Variants in TENM3 observed in about 807,000 individuals in gnomAD.
The protein encoded by TENM3 is teneurin-3.
Under a neutral mutation model 255.1 loss-of-function variants are expected in TENM3, and 63 were observed. The observed-to-expected ratio is 0.25, with a 90% CI of 0.20 to 0.30. The LOEUF (loss-of-function observed/expected upper bound fraction) is 0.30. TENM3 is among the 10% of genes least tolerant of loss of function. TENM3 has a pLI of 1.00. For synonymous variants in TENM3, 1,306 were observed against 1,322.3 expected (o/e 0.99, Z 0.27); for missense variants, 2,929 against 3,461.1 (o/e 0.85, Z 3.86).
chr4:181,802,349 A>G, the TENM3 span, among the ~76,000 whole-genome samples: 3 of 152,184 alleles, frequency 2.0e-5, no homozygotes, highest in East Asian at 1.9e-4. Flanking sequence ...AGATTTTGCC[A>G]TAACTTTTCA....
At chr4:182,145,439 CCT>C (rs1749892735) in intron 1 of TENM3, among the ~76,000 whole-genome samples, 1 of 152,142 alleles carries the variant, frequency 6.6e-6, no homozygotes, top group African/African-American at 2.4e-5. Flanking sequence ...ATTCTAAGTC[CCT>C]CTCGTGTTTT....
intron 3 of TENM3, among the ~76,000 whole-genome samples, chr4:182,545,695 A>G (rs1741369435): frequency 6.6e-6 from 1 of 152,028 alleles, no homozygotes; most frequent in Non-Finnish European, 1.5e-5. Context: ...GTCAACTGGT[A>G]TGGCTTCTCT....
chr4:181,477,630 T>A, the TENM3 span, among the ~76,000 whole-genome samples: 57,180 of 151,666 alleles, frequency 0.38, 11,502 homozygotes, highest in African/African-American at 0.53. Context: ...GTGCATTTTT[T>A]AAAAAAATAA....
chr4:181,859,922 T>C, the TENM3 span, among the ~76,000 whole-genome samples: 29 of 152,312 alleles, frequency 1.9e-4, no homozygotes, highest in African/African-American at 6.7e-4. Flanking sequence ...AGACTTTCTT[T>C]AATGTCTTGA....
At chr4:181,598,072 T>G in the TENM3 span, among the ~76,000 whole-genome samples, 1 of 152,170 alleles carries the variant, frequency 6.6e-6, no homozygotes, top group Admixed American at 6.5e-5. Flanking sequence ...GGACGTGGTC[T>G]ACTGAATACC....
intron 12 of TENM3, among the ~76,000 whole-genome samples, chr4:182,710,204 A>G (rs1758650544): frequency 6.6e-6 from 1 of 152,194 alleles, no homozygotes; most frequent in Admixed American, 6.5e-5. Flanking sequence ...TTCTGTAGAA[A>G]TACTACCCTA....
chr4:182,298,939 A>ACACCACTG (rs1440836406), intron 1 of TENM3, among the ~76,000 whole-genome samples: 14 of 138,288 alleles, frequency 1.0e-4, no homozygotes, highest in Non-Finnish European at 2.0e-4. Context: ...AGCTGAGATC[A>ACACCACTG]CACCACTGCA....
chr4:182,361,845 G>GT (rs1766015623), intron 3 of TENM3, among the ~76,000 whole-genome samples: 1 of 152,140 alleles, frequency 6.6e-6, no homozygotes, highest in Non-Finnish European at 1.5e-5. Flanking sequence ...CGTCTTTGTG[G>GT]TTTTATCTAC....
Position 182,509,937 on chromosome 4 carries a change from CA to C in TENM3, c.512-90966del, listed in dbSNP as rs55817843. On this transcript the variant is annotated intron_variant, in intron 3 of 27. Coordinates refer to ENST00000511685, the MANE Select transcript of TENM3 (RefSeq NM_001080477.4). The stretch of plus-strand genomic sequence containing the variant: ...GGACAACAAGAGCAAAACTCTGTCT[CA>C]AAAAAAAAAAAAAAAAAAAATGTAG... 9.3e-3 allele frequency among the ~76,000 whole-genome samples: 972 copies of C among 104,842 alleles called. 5 individuals are homozygous for C. Among genetic ancestry groups the C allele is most frequent in the African/African-American group, 0.031 (764 of 24,994 alleles). The allele number at this position is 104,842 out of a possible 152,430, so 68.8% of individuals were successfully genotyped here.
chr4:181,581,728 C>CT, the TENM3 span, among the ~76,000 whole-genome samples: 901 of 139,208 alleles, frequency 6.5e-3, 4 homozygotes, highest in African/African-American at 0.017. Flanking sequence ...TTCCGCTTTA[C>CT]TTTTTTTTTT....
At chr4:182,412,937 G>A (rs537398067) in intron 3 of TENM3, among the ~76,000 whole-genome samples, 6 of 151,582 alleles carry the variant, frequency 4.0e-5, no homozygotes, top group African/African-American at 1.4e-4. Flanking sequence ...AAGTACTACT[G>A]AAAATTCTGA....
At chr4:181,672,485 T>C in the TENM3 span, among the ~76,000 whole-genome samples, 6 of 152,124 alleles carry the variant, frequency 3.9e-5, no homozygotes, top group African/African-American at 9.7e-5. Flanking sequence ...TGAAGTGATA[T>C]TCACTTCCCT....
chr4:182,720,829 A>G (rs1759665129), intron 13 of TENM3, among the ~76,000 whole-genome samples: 1 of 143,078 alleles, frequency 7.0e-6, no homozygotes, highest in Non-Finnish European at 1.5e-5. Context: ...GTGCAATAGC[A>G]TAGTCTTAGC....
At chr4:182,140,207 G>T (rs1749295741), upstream of TENM3, among the ~76,000 whole-genome samples, 1 of 152,180 alleles carries the variant, frequency 6.6e-6, no homozygotes, top group South Asian at 2.1e-4. Context: ...TGCTACCTGT[G>T]AAGGCACTTG....
At chr4:181,803,078 T>G in the TENM3 span, among the ~76,000 whole-genome samples, 36 of 151,850 alleles carry the variant, frequency 2.4e-4, no homozygotes, top group Admixed American at 6.6e-5. Context: ...TGTTAGAATT[T>G]CTAACCATCA....
chr4:182,688,492 A>T (rs371908879), intron 12 of TENM3, 141 bp downstream of exon 12: 1 of 672,970 alleles, frequency 1.5e-6, no homozygotes, highest in Non-Finnish European at 2.3e-6. Context: ...TTTTTTAAAT[A>T]TGGTTGTCAT....
chr4:182,258,054 A>G (rs1035924562), intron 1 of TENM3, among the ~76,000 whole-genome samples: 5 of 152,176 alleles, frequency 3.3e-5, no homozygotes, highest in African/African-American at 1.2e-4. Context: ...TAAATTGTGT[A>G]TGTGTGTATA....
chr4:182,754,958 C>T lies in TENM3; in HGVS notation c.4591C>T (p.Gln1531Ter). Residue 1531 changes from glutamine (Q) to a stop codon, truncating the protein, a stop_gained, in exon 22 of 28, where the codon CAA becomes TAA. Transcript: ENST00000511685. LOFTEE classifies it high-confidence loss of function. This position sits in a 1 kb window ranked among gnomAD's most constrained non-coding sequence, Gnocchi z 5.1. ...CATCTTTGACATCAATGGTACTCAC[C>T]AATATACTGTAAGTTTAGTCACTGG... ...LYIFDINGTH[Q>*]YTVSLVTGDY... is the part of the protein sequence containing the mutation. 6.2e-7 allele frequency: 1 copy of T among 1,613,988 alleles called. No individual in the cohort carries two copies. The highest frequency in any genetic ancestry group is 2.2e-5 in the East Asian group (1 of 44,876).
In TENM3 at chr4:182,800,959, C is replaced by T. The variant is rs1766910189; in HGVS notation, c.*608C>T. The T allele has an allele frequency of 6.6e-6, 1 of 152,656 alleles. No individual in the cohort carries two copies. The highest frequency in any genetic ancestry group is 1.5e-5 in the Non-Finnish European group (1 of 68,046). The allele number at this position is 152,656 out of a possible 1,614,324, so 9.5% of individuals were successfully genotyped here. Reference sequence around the variant, plus strand: ...AAAAACTGGCAACTAGAATCCTTGTCACTGATAAGCAAAGGAAATCCTGAT... The same window carrying T: ...AAAAACTGGCAACTAGAATCCTTGTTACTGATAAGCAAAGGAAATCCTGAT... On this transcript the variant is annotated 3_prime_UTR_variant, in exon 28 of 28. Coordinates refer to ENST00000511685, the MANE Select transcript of TENM3 (RefSeq NM_001080477.4).
Sources: gnomAD v4.1 joint callset for allele counts (sites outside exome capture counted in the v4.1 genomes callset) on GRCh38, gnomAD v4.1.1 for gene constraint, Gnocchi (gnomAD v3.1) non-coding constraint, MANE v1.5 for transcripts, NCBI Gene and HGNC (gene_info 2026-07-23, HGNC 2026-07-21) for gene names.